SHANK2: variants seen among roughly 807,000 people sequenced by gnomAD.
The protein encoded by SHANK2 is SH3 and multiple ankyrin repeat domains protein 2.
Under a neutral mutation model 133.7 loss-of-function variants are expected in SHANK2, and 43 were observed. That is an observed-to-expected ratio of 0.32 (90% CI 0.25 to 0.41). SHANK2 has a LOEUF of 0.41. Among genes scored for constraint, SHANK2 ranks in the 10% least tolerant of loss-of-function variants. The pLI is 1.00. For missense variants in SHANK2, 1,994 were observed against 2,235.8 expected (o/e 0.89, Z 2.18); for synonymous variants, 1,017 against 952.8 (o/e 1.07, Z -1.24).
At chr11:70,940,420 A>G (rs1424965599) in intron 10 of SHANK2, among the ~76,000 whole-genome samples, 1 of 151,248 alleles carries the variant, frequency 6.6e-6, no homozygotes, top group Non-Finnish European at 1.5e-5. Flanking sequence ...CTAATTAGCT[A>G]ATTTTTGTAT....
intron 14 of SHANK2, among the ~76,000 whole-genome samples, chr11:70,738,259 G>A (rs924272665): frequency 6.6e-6 from 1 of 152,264 alleles, no homozygotes; most frequent in African/African-American, 2.4e-5. Context: ...CGAAGCTTCC[G>A]AGGAAACCGC....
intron 17 of SHANK2, among the ~76,000 whole-genome samples, chr11:70,570,164 C>T (rs932998920): frequency 9.8e-5 from 15 of 152,322 alleles, no homozygotes; most frequent in East Asian, 1.9e-4. Flanking sequence ...TGTGGCTTGC[C>T]GCCGAGAGTC....
chr11:70,661,948 G>T, intron 15 of SHANK2: 1 of 781,478 alleles, frequency 1.3e-6, no homozygotes, highest in Non-Finnish European at 2.1e-6. Context: ...GTCATACATG[G>T]TGGGGCGGCT....
chr11:71,219,992 G>T (rs1190037349), intron 2 of SHANK2, among the ~76,000 whole-genome samples: 2 of 152,146 alleles, frequency 1.3e-5, no homozygotes, highest in Non-Finnish European at 2.9e-5. Context: ...GGGAAGCTGA[G>T]GTGGGTCAAT....
intron 1 of SHANK2, among the ~76,000 whole-genome samples, chr11:71,237,492 T>C (rs1273356304): frequency 1.3e-5 from 2 of 152,214 alleles, no homozygotes; most frequent in Non-Finnish European, 2.9e-5. Flanking sequence ...TGGGGTGGTC[T>C]GTTATGCAGC....
At chr11:70,558,464 T>A (rs1554980101) in intron 17 of SHANK2, among the ~76,000 whole-genome samples, 2 of 152,202 alleles carry the variant, frequency 1.3e-5, no homozygotes, top group Non-Finnish European at 2.9e-5. Flanking sequence ...GCTTCGGAGC[T>A]CAGGCTGGAG....
chr11:70,938,657 T>A (rs545173011), intron 10 of SHANK2, among the ~76,000 whole-genome samples: 2 of 151,978 alleles, frequency 1.3e-5, no homozygotes, highest in Non-Finnish European at 2.9e-5. Context: ...GAGGAGATGA[T>A]AAAGAGCCCA....
chr11:70,847,715 C>T (rs782391700), intron 11 of SHANK2, among the ~76,000 whole-genome samples: 9 of 152,330 alleles, frequency 5.9e-5, no homozygotes, highest in Admixed American at 1.3e-4. Flanking sequence ...GAGTCTACCA[C>T]GCAAACTCTC....
chr11:70,472,564 C>A lies in SHANK2; in HGVS notation c.*305G>T. The A allele has an allele frequency of 2.3e-6, 1 of 437,078 alleles. No individual in the cohort carries two copies. The allele number at this position is 437,078 out of a possible 1,614,324, so 27.1% of individuals were successfully genotyped here. On this transcript the variant is annotated 3_prime_UTR_variant, in exon 26 of 26. Transcript: ENST00000601538. The surrounding 1 kb of genome is among the most constrained non-coding windows in gnomAD (Gnocchi z 4.4). The stretch of plus-strand genomic sequence containing the variant: ...CGTGCAAAATTGACGGGGAGCCTCT[C>A]GGACCCGGCAAAGCGAGGCCACCTG...
chr11:71,219,675 G>T (rs1183398449), intron 2 of SHANK2, among the ~76,000 whole-genome samples: 1 of 152,024 alleles, frequency 6.6e-6, no homozygotes, highest in Non-Finnish European at 1.5e-5. Context: ...CAGATCAGCT[G>T]AGGTCACCAG....
chr11:70,922,711 AAAAG>A (rs1474772437), intron 10 of SHANK2, among the ~76,000 whole-genome samples: 14 of 152,338 alleles, frequency 9.2e-5, no homozygotes, highest in African/African-American at 2.9e-4. Context: ...TTCTTTTAGC[AAAAG>A]AAAGATGATC....
chr11:71,206,033 G>A (rs939601440), intron 2 of SHANK2, among the ~76,000 whole-genome samples: 6 of 152,184 alleles, frequency 3.9e-5, no homozygotes, highest in Non-Finnish European at 5.9e-5. Context: ...ATTTCTCTCC[G>A]TGTGCCCCGC....
intron 14 of SHANK2, among the ~76,000 whole-genome samples, chr11:70,775,607 G>A (rs137987525): frequency 0.03 from 4,508 of 152,242 alleles, 106 homozygotes; most frequent in Non-Finnish European, 0.044. Flanking sequence ...ATGTCCTCTT[G>A]GCTTCCTGTT....
intron 2 of SHANK2, among the ~76,000 whole-genome samples, chr11:71,149,867 G>T (rs116278745): frequency 0.016 from 1,561 of 95,734 alleles, 61 homozygotes; most frequent in African/African-American, 0.066. Context: ...GGGAAGGAAA[G>T]AAGGAAGGTG....
intron 17 of SHANK2, among the ~76,000 whole-genome samples, chr11:70,586,535 G>T (rs1198383114): frequency 1.3e-5 from 2 of 152,174 alleles, no homozygotes; most frequent in African/African-American, 2.4e-5. Flanking sequence ...TCTTCACAGA[G>T]ACCTCGGAAG....
chr11:70,909,852 G>T (rs1448285978), intron 10 of SHANK2, among the ~76,000 whole-genome samples: 1 of 152,238 alleles, frequency 6.6e-6, no homozygotes, highest in Non-Finnish European at 1.5e-5. Context: ...TGACAACGGG[G>T]TACGCTTGCG....
At chr11:70,661,501 ACACACACAC>A in intron 16 of SHANK2, 86 bp downstream of exon 16, 1 of 1,528 alleles carries the variant, frequency 6.5e-4, no homozygotes, top group Middle Eastern at 0.062. Flanking sequence ...GCAGGCGTAT[ACACACACAC>A]ACACACACAC....
intron 10 of SHANK2, among the ~76,000 whole-genome samples, chr11:70,955,521 T>C (rs1950908393): frequency 6.6e-6 from 1 of 152,098 alleles, no homozygotes; most frequent in Non-Finnish European, 1.5e-5. Flanking sequence ...TATGTGTCTA[T>C]GTATATATTT....
At chr11:71,231,744 C>T (rs565958751) in intron 1 of SHANK2, among the ~76,000 whole-genome samples, 72 of 152,126 alleles carry the variant, frequency 4.7e-4, no homozygotes, top group Non-Finnish European at 7.1e-4. Context: ...CATAAATTAG[C>T]TGGGCATGGT....
Sources: allele counts gnomAD v4.1 joint callset (sites outside exome capture counted in the v4.1 genomes callset), GRCh38; gene constraint gnomAD v4.1.1; non-coding constraint Gnocchi (gnomAD v3.1); transcripts MANE v1.5; gene names NCBI Gene and HGNC (gene_info 2026-07-23, HGNC 2026-07-21).